The following KLF12 variants were observed in gnomAD, a reference collection of about 807,000 sequenced individuals.
KLF12 encodes Krueppel-like factor 12.
Under a neutral mutation model 37.8 loss-of-function variants are expected in KLF12, and 9 were observed. The observed-to-expected ratio is 0.24, with a 90% confidence interval of 0.14 to 0.42. KLF12 has a LOEUF of 0.42. Among genes scored for constraint, KLF12 ranks in the 10% least tolerant of loss-of-function variants. The pLI, the probability that KLF12 is intolerant of heterozygous loss-of-function variation, is 1.00. For missense variants in KLF12, 411 were observed against 516.0 expected (o/e 0.80, Z 1.97); for synonymous variants, 208 against 202.1 (o/e 1.03, Z -0.25).
intron 3 of KLF12, among the ~76,000 whole-genome samples, chr13:73,866,566 A>G (rs1886187255): frequency 6.6e-6 from 1 of 152,148 alleles, no homozygotes; most frequent in South Asian, 2.1e-4. Flanking sequence ...ATAGGTTTAC[A>G]TTCTGAAATA....
chr13:74,240,072 C>T, the KLF12 span, among the ~76,000 whole-genome samples: 24 of 152,040 alleles, frequency 1.6e-4, no homozygotes, highest in Admixed American at 8.5e-4. Flanking sequence ...GATTTTGCAG[C>T]GGCTGGTACC....
the KLF12 span, among the ~76,000 whole-genome samples, chr13:74,276,641 C>T: frequency 1.5e-4 from 23 of 152,270 alleles, no homozygotes; most frequent in African/African-American, 5.3e-4. Flanking sequence ...AGTAAGTTGT[C>T]TTCCTAATAA....
intron 2 of KLF12, among the ~76,000 whole-genome samples, chr13:73,989,280 C>G (rs1462038228): frequency 6.6e-6 from 1 of 152,198 alleles, no homozygotes; most frequent in African/African-American, 2.4e-5. Flanking sequence ...TGAGAGGCAA[C>G]TGGGAGCTGA....
the KLF12 span, among the ~76,000 whole-genome samples, chr13:74,226,083 A>G: frequency 6.6e-6 from 1 of 152,142 alleles, no homozygotes; most frequent in Non-Finnish European, 1.5e-5. Flanking sequence ...AATTTTAAGC[A>G]GATAAATGGT....
chr13:73,962,121 A>C, intron 2 of KLF12: 1 of 411,420 alleles, frequency 2.4e-6, no homozygotes, highest in South Asian at 1.8e-5. Context: ...CATCCAGACA[A>C]TGGAATATTA....
intron 1 of KLF12, among the ~76,000 whole-genome samples, chr13:74,065,137 A>G (rs536812270): frequency 2.0e-5 from 3 of 152,110 alleles, no homozygotes; most frequent in African/African-American, 7.2e-5. Context: ...TCTGCTTCAT[A>G]CACACATTTT....
At chr13:74,035,148 C>T (rs1893215505) in intron 1 of KLF12, among the ~76,000 whole-genome samples, 1 of 152,086 alleles carries the variant, frequency 6.6e-6, no homozygotes, top group Admixed American at 6.5e-5. Flanking sequence ...AATCAAAATC[C>T]AAAGATGCTT....
intron 3 of KLF12, among the ~76,000 whole-genome samples, chr13:73,891,301 T>C (rs1487564958): frequency 6.6e-6 from 1 of 152,152 alleles, no homozygotes; most frequent in Non-Finnish European, 1.5e-5. Flanking sequence ...TCACATATTT[T>C]AGAAAATGTA....
intron 5 of KLF12, chr13:73,801,114 A>G (rs1882259193): frequency 6.6e-6 from 1 of 152,120 alleles, no homozygotes; most frequent in Admixed American, 6.6e-5. Context: ...AGATTTTTCT[A>G]TCTATATCAG....
intron 1 of KLF12, among the ~76,000 whole-genome samples, chr13:74,091,606 C>T (rs1179843110): frequency 6.6e-6 from 1 of 152,104 alleles, no homozygotes; most frequent in East Asian, 1.9e-4. Context: ...TGTTTCTAAA[C>T]TTTTAGCAAT....
intron 1 of KLF12, among the ~76,000 whole-genome samples, chr13:74,028,260 A>C (rs1893028105): frequency 6.6e-6 from 1 of 152,218 alleles, no homozygotes; most frequent in African/African-American, 2.4e-5. Flanking sequence ...ATAATCTAAA[A>C]ACTGGAAATA....
At chr13:74,042,670 T>A (rs982552431) in intron 1 of KLF12, among the ~76,000 whole-genome samples, 1 of 152,152 alleles carries the variant, frequency 6.6e-6, no homozygotes, top group Non-Finnish European at 1.5e-5. Flanking sequence ...TTAAGACAGA[T>A]CCGATAAGTA....
Position 73,710,178 on chromosome 13 carries a change from C to T in KLF12, c.1027+5190G>A, listed in dbSNP as rs145832722. On this transcript the variant is annotated intron_variant, in intron 7 of 7. Transcript: ENST00000377669. ...AGCCATCATTAAGGGACAGCTCCAA[C>T]CACACATACAACATGGCATGTTTAG... Among the ~76,000 whole-genome samples the T allele has an allele frequency of 1.1e-4, 16 of 152,198 alleles. No individual in the cohort carries two copies. In the East Asian group the frequency reaches 2.9e-3, roughly 28 times the overall value.
chr13:73,917,221 C>T (rs965745287), intron 3 of KLF12, among the ~76,000 whole-genome samples: 1 of 152,126 alleles, frequency 6.6e-6, no homozygotes, highest in Non-Finnish European at 1.5e-5. Context: ...TTTATAAATG[C>T]TATAAAAAAC....
intron 3 of KLF12, among the ~76,000 whole-genome samples, chr13:73,876,977 T>C (rs1886736903): frequency 6.6e-6 from 1 of 150,632 alleles, no homozygotes; most frequent in South Asian, 2.1e-4. Context: ...ACCGTGCCAC[T>C]GCACTCTAGC....
chr13:73,723,417 T>C (rs1876421574), intron 6 of KLF12, among the ~76,000 whole-genome samples: 1 of 152,182 alleles, frequency 6.6e-6, no homozygotes, highest in African/African-American at 2.4e-5. Flanking sequence ...AGAGGGATTT[T>C]CCCACAGAAT....
intron 4 of KLF12, among the ~76,000 whole-genome samples, chr13:73,828,794 C>A (rs975091602): frequency 1.3e-5 from 2 of 151,900 alleles, no homozygotes; most frequent in African/African-American, 4.8e-5. Flanking sequence ...CCTTAAGCTT[C>A]ATTTCCGCTT....
intron 4 of KLF12, among the ~76,000 whole-genome samples, chr13:73,838,787 T>A (rs1456541715): frequency 6.6e-6 from 1 of 152,194 alleles, no homozygotes; most frequent in Non-Finnish European, 1.5e-5. Context: ...TGATTGCTTT[T>A]GTGTGGCTAA....
At chr13:74,138,230 C>A (rs566244470), upstream of KLF12, among the ~76,000 whole-genome samples, 8 of 152,264 alleles carry the variant, frequency 5.3e-5, no homozygotes, top group South Asian at 1.0e-3. Flanking sequence ...AATGAAGTCC[C>A]TTTTAGAGGT....
Sources: gnomAD v4.1 joint callset for allele counts (sites outside exome capture counted in the v4.1 genomes callset) on GRCh38, gnomAD v4.1.1 for gene constraint, MANE v1.5 for transcripts, NCBI Gene and HGNC (gene_info 2026-07-23, HGNC 2026-07-21) for gene names.